ERVW-1: variants seen among roughly 807,000 people sequenced by gnomAD.
The protein encoded by ERVW-1 is syncytin-1.
In ERVW-1, 21 loss-of-function variants were observed where a neutral mutation model predicts 16.6. That is an observed-to-expected ratio of 1.26 (90% CI 0.90 to 1.82). ERVW-1 has a LOEUF of 1.82. Among genes scored for constraint, ERVW-1 ranks in the 40% most tolerant of loss-of-function variants. ERVW-1 has a pLI of 0.00. For missense variants in ERVW-1, 412 were observed against 300.2 expected (o/e 1.37, Z -2.75); for synonymous variants, 161 against 109.8 (o/e 1.47, Z -2.92).
chr7:92,476,813 C>A (rs1157144787), intron 1 of ERVW-1, among the ~76,000 whole-genome samples: 1 of 152,112 alleles, frequency 6.6e-6, no homozygotes. Context: ...TTGGGAGGGA[C>A]ACCAGGGATA....
In ERVW-1 at chr7:92,476,557, CTGTT is replaced by C. The variant is rs1790551059; in HGVS notation, c.-228+821_-228+824del. 2.0e-5 allele frequency among the ~76,000 whole-genome samples: 3 copies of C among 152,278 alleles called. No individual in the cohort carries two copies. The East Asian group carries it at 5.8e-4, about 29-fold the overall frequency. On this transcript the variant is annotated intron_variant, in intron 1 of 1. Transcript: ENST00000603053. Reference sequence around the variant, plus strand: ...CTGGCTTTTAAAGGAATAGGGCACACTGTTTTTTACTATTTCTTTCTCTTTCTTT... The same window carrying C: ...CTGGCTTTTAAAGGAATAGGGCACACTTTTACTATTTCTTTCTCTTTCTTT...
At chr7:92,471,411 T>C (rs550275332) in intron 1 of ERVW-1, 1 of 152,594 alleles carries the variant, frequency 6.6e-6, no homozygotes, top group African/African-American at 2.4e-5. Context: ...GTGCTATCGA[T>C]GCCTAAGTGA....
In ERVW-1 at chr7:92,470,227, T is replaced by C. The variant is rs1485740798; in HGVS notation, c.155A>G (p.Tyr52Cys). 3.9e-6 allele frequency: 3 copies of C among 778,668 alleles called. No individual in the cohort carries two copies. The highest frequency in any genetic ancestry group is 7.2e-6 in the Non-Finnish European group (3 of 417,868). 48.2% of individuals were successfully genotyped at this position (778,668 alleles called of 1,614,324 possible). ...QRPGNIDAPSYRSLSKGTPTF... is the reference protein window; with the variant it reads ...QRPGNIDAPSCRSLSKGTPTF... Reference sequence around the variant, plus strand: ...GGGGGTTCCCTTAGAAAGACTCCTATACGATGGGGCATCAATATTTCCGGG... The same window carrying C: ...GGGGGTTCCCTTAGAAAGACTCCTACACGATGGGGCATCAATATTTCCGGG... The change falls in exon 2 of 2, where the codon TAT becomes TGT. Residue 52 changes from tyrosine (Y) to cysteine (C), a missense_variant. Transcript: ENST00000603053.
chr7:92,472,140 T>C lies in ERVW-1; in HGVS notation c.-227-1532A>G, dbSNP rs1038729216. 6 of 152,260 alleles carry C rather than the reference T, an allele frequency of 3.9e-5. No homozygotes were observed. In the East Asian group the frequency reaches 5.8e-4, roughly 15 times the overall value. The allele number at this position is 152,260 out of a possible 1,614,324, so 9.4% of individuals were successfully genotyped here. On this transcript the variant is annotated intron_variant, in intron 1 of 1. Transcript: ENST00000603053. Reference sequence around the variant, plus strand: ...TTGAGAAATTACTTGTTGACAGTTATGTTTTATCTTTTCTTCATTGTCTGG... The same window carrying C: ...TTGAGAAATTACTTGTTGACAGTTACGTTTTATCTTTTCTTCATTGTCTGG...
intron 1 of ERVW-1, among the ~76,000 whole-genome samples, chr7:92,474,048 T>C (rs1242656717): frequency 3.3e-5 from 5 of 152,130 alleles, no homozygotes; most frequent in Non-Finnish European, 7.4e-5. Flanking sequence ...TAGACCGCAC[T>C]GGAAGCAAGC....
In ERVW-1 at chr7:92,469,000, A is replaced by C; in HGVS notation, c.1382T>G (p.Leu461Arg). The C allele has an allele frequency of 1.3e-6, 1 of 753,226 alleles. No homozygotes were observed. The highest frequency in any genetic ancestry group is 2.4e-6 in the Non-Finnish European group (1 of 412,764). The allele number at this position is 753,226 out of a possible 1,614,324, so 46.7% of individuals were successfully genotyped here. ...FLGPLAAIIL[L>R]LLFGPCIFNL... The stretch of plus-strand genomic sequence containing the variant: ...AAAGATACAGGGTCCAAAGAGGAGT[A>C]GCAATATTATAGCTGCTAGAGGTCC... The change falls in exon 2 of 2, where the codon CTA becomes CGA. Residue 461 changes from leucine to arginine, a missense_variant. Leu to Arg is a moderately radical substitution (Grantham distance 102, BLOSUM62 -2). Coordinates refer to ENST00000603053, the MANE Select transcript of ERVW-1 (RefSeq NM_001130925.2).
intron 1 of ERVW-1, among the ~76,000 whole-genome samples, chr7:92,473,940 C>T (rs189251382): frequency 4.6e-5 from 7 of 152,090 alleles, no homozygotes; most frequent in African/African-American, 1.7e-4. Context: ...CCTTTGTCCC[C>T]TGGGGCAGTG....
chr7:92,474,195 A>G (rs1002319486), intron 1 of ERVW-1, among the ~76,000 whole-genome samples: 4 of 151,752 alleles, frequency 2.6e-5, no homozygotes, highest in African/African-American at 9.7e-5. Flanking sequence ...CCTGATCTCT[A>G]TTATAAAAAA....
chr7:92,474,431 A>T (rs1405206901), intron 1 of ERVW-1, among the ~76,000 whole-genome samples: 4 of 152,162 alleles, frequency 2.6e-5, no homozygotes, highest in African/African-American at 9.7e-5. Flanking sequence ...GTTATGGTGG[A>T]CATCATTGAG....
chr7:92,468,806 C>T lies in ERVW-1; in HGVS notation c.1576G>A (p.Ala526Thr). ...KGTPPEEISAAQPLLRPNSAG... is the reference protein window; with the variant it reads ...KGTPPEEISATQPLLRPNSAG... ...GAATTGGGGCGTAGTAGAGGTTGTG[C>T]AGCTGAGATTTCCTCAGGAGGGGTG... Residue 526 changes from alanine to threonine, a missense_variant, in exon 2 of 2, where the codon GCA becomes ACA. By Grantham distance (58) the Ala-to-Thr change is moderately conservative. Transcript: ENST00000603053. 1 of 761,476 alleles carries T rather than the reference C, an allele frequency of 1.3e-6. No homozygotes were observed. 47.2% of individuals were successfully genotyped at this position (761,476 alleles called of 1,614,324 possible). A position where few individuals can be genotyped will look rare whatever the true frequency, so the allele number is the denominator to read the frequency against.
intron 1 of ERVW-1, among the ~76,000 whole-genome samples, chr7:92,476,772 A>G (rs190143922): frequency 3.9e-5 from 6 of 151,940 alleles, no homozygotes; most frequent in African/African-American, 9.7e-5. Flanking sequence ...GGTCCTACAT[A>G]ACTGCCCATG....
rs560726749 is a variant in ERVW-1 at position 92,469,452 on chromosome 7, T to C, written c.930A>G (p.Ile310Met). The stretch of plus-strand genomic sequence containing the variant: ...GTACTCTTTTGTTGCGGGGCTTAGA[T>C]ATGACATAACTGTATAAATCTTGTT... ...YTEQDLYSYV[I>M]SKPRNKRVPI... Residue 310 changes from isoleucine (I) to methionine (M), a missense_variant, in exon 2 of 2, where the codon ATA (isoleucine) becomes ATG (methionine). Transcript: ENST00000603053. 25 of 769,936 alleles carry C rather than the reference T, an allele frequency of 3.2e-5. No individual in the cohort carries two copies. The Admixed American group carries it at 4.3e-4, about 13-fold the overall frequency. 47.7% of individuals were successfully genotyped at this position (769,936 alleles called of 1,614,324 possible). A position where few individuals can be genotyped will look rare whatever the true frequency, so the allele number is the denominator to read the frequency against.
In ERVW-1 at chr7:92,468,699, G is replaced by A; in HGVS notation, c.*66C>T. 4 of 660,868 alleles carry A rather than the reference G, an allele frequency of 6.1e-6. No homozygotes were observed. The highest frequency in any genetic ancestry group is 1.1e-5 in the Non-Finnish European group (4 of 369,208). The allele number at this position is 660,868 out of a possible 1,614,324, so 40.9% of individuals were successfully genotyped here. On this transcript the variant is annotated 3_prime_UTR_variant, in exon 2 of 2. Transcript: ENST00000603053. ...CAGCCTAGGAAATCCAGCTAGTCCT[G>A]TCTCTCAGTCCCCCATCTCAACAGG...
chr7:92,473,989 G>A (rs983083874), intron 1 of ERVW-1, among the ~76,000 whole-genome samples: 1 of 152,096 alleles, frequency 6.6e-6, no homozygotes, highest in Non-Finnish European at 1.5e-5. Context: ...GGGCATGGAC[G>A]AGGGGGCGGC....
chr7:92,469,966 A>G lies in ERVW-1; in HGVS notation c.416T>C (p.Val139Ala), dbSNP rs1790267453. The part of the protein sequence containing the change: ...VKEVISQLTR[V>A]HGTSSPYKGL... ...TTTGTAGGGGCTAGAGGTGCCATGT[A>G]CCCGGGTGAGTTGGGAGATTACTTC... The change falls in exon 2 of 2, where the codon GTA becomes GCA. Residue 139 changes from valine to alanine, a missense_variant. Transcript: ENST00000603053. The G allele has an allele frequency of 2.6e-6, 2 of 776,858 alleles. No homozygotes were observed. Among genetic ancestry groups the G allele is most frequent in the Non-Finnish European group, 2.4e-6 (1 of 417,010 alleles). 48.1% of individuals were successfully genotyped at this position (776,858 alleles called of 1,614,324 possible). A position where few individuals can be genotyped will look rare whatever the true frequency, so the allele number is the denominator to read the frequency against.
At position 92,477,798 on chromosome 7, in the gene ERVW-1, T is replaced by C. The variant is rs911934432; in HGVS notation, c.-644A>G. 99 of 181,012 alleles carry C rather than the reference T, an allele frequency of 5.5e-4. No individual in the cohort carries two copies. Among genetic ancestry groups the C allele is most frequent in the Non-Finnish European group, 8.6e-4 (78 of 90,736 alleles). The allele number at this position is 181,012 out of a possible 1,614,324, so 11.2% of individuals were successfully genotyped here. ...GGAGTCAGCGGCAGGTCTGCGGTGGTGGCAAACAGCAGTGGTGGACGGTGA... is the reference window on the plus strand; with the variant it reads ...GGAGTCAGCGGCAGGTCTGCGGTGGCGGCAAACAGCAGTGGTGGACGGTGA... On this transcript the variant is annotated 5_prime_UTR_variant, in exon 1 of 2. Transcript: ENST00000603053.
chr7:92,477,136 T>G (rs1562833969), intron 1 of ERVW-1, among the ~76,000 whole-genome samples: 1 of 152,148 alleles, frequency 6.6e-6, no homozygotes, highest in Non-Finnish European at 1.5e-5. Context: ...GCTTTCTGCC[T>G]CTAGTCGGCC....
Position 92,469,642 on chromosome 7 carries a change from G to T in ERVW-1, c.740C>A (p.Thr247Asn), listed in dbSNP as rs140602271. Reference sequence around the variant, plus strand: ...TACCCACCTGATGCATTGGGAGTTGGTTGTGTATGTAGTATTGCTAAATTT... The same window carrying T: ...TACCCACCTGATGCATTGGGAGTTGTTTGTGTATGTAGTATTGCTAAATTT... ...CVKFSNTTYTTNSQCIRWVTP... is the reference protein window; with the variant it reads ...CVKFSNTTYTNNSQCIRWVTP... Residue 247 changes from threonine to asparagine, a missense_variant, in exon 2 of 2, where the codon ACC (threonine) becomes AAC (asparagine). Physicochemically the swap from Thr to Asn is moderately conservative, Grantham distance 65. Transcript: ENST00000603053. The T allele has an allele frequency of 5.6e-4, 430 of 764,540 alleles. 1 individual carries two copies. Among genetic ancestry groups the T allele is most frequent in the Non-Finnish European group, 8.4e-4 (350 of 417,890 alleles). 47.4% of individuals were successfully genotyped at this position (764,540 alleles called of 1,614,324 possible).
intron 1 of ERVW-1, among the ~76,000 whole-genome samples, chr7:92,473,982 C>T (rs1276444564): frequency 6.6e-6 from 1 of 152,046 alleles, no homozygotes; most frequent in African/African-American, 2.4e-5. Context: ...AAATAAGGGG[C>T]ATGGACGAGG....
Sources: allele counts gnomAD v4.1 joint callset (sites outside exome capture counted in the v4.1 genomes callset), GRCh38; gene constraint gnomAD v4.1.1; transcripts MANE v1.5; gene names NCBI Gene and HGNC (gene_info 2026-07-23, HGNC 2026-07-21).